The following PCDH7 variants were observed in gnomAD, a reference collection of about 807,000 sequenced individuals.
The protein encoded by PCDH7 is protocadherin 7.
A neutral mutation model predicts 58.9 loss-of-function variants in PCDH7; 17 were observed. The observed-to-expected ratio is 0.29, with a 90% CI of 0.20 to 0.43. The LOEUF (loss-of-function observed/expected upper bound fraction) is 0.43. Ranked by LOEUF, PCDH7 falls within the 20% of genes least tolerant of loss-of-function variation. The pLI is 1.00. For missense variants in PCDH7, 1,274 were observed against 1,441.0 expected, an observed-to-expected ratio of 0.88 and a Z score of 1.88; for synonymous variants, 664 against 616.4, an observed-to-expected ratio of 1.08 and a Z score of -1.14.
intron 3 of PCDH7, among the ~76,000 whole-genome samples, chr4:31,083,783 A>G (rs1387520322): frequency 6.6e-6 from 1 of 152,252 alleles, no homozygotes; most frequent in South Asian, 2.1e-4. Flanking sequence ...CAGATGTGTC[A>G]AAGTGTAACT....
chr4:31,028,268 A>G (rs189136329), intron 3 of PCDH7, among the ~76,000 whole-genome samples: 276 of 152,286 alleles, frequency 1.8e-3, no homozygotes, highest in African/African-American at 6.4e-3. Context: ...TCTTTTATTT[A>G]AAATCCCTGG....
At chr4:31,070,331 G>A (rs1308960041) in intron 3 of PCDH7, among the ~76,000 whole-genome samples, 6 of 151,908 alleles carry the variant, frequency 3.9e-5, no homozygotes, top group African/African-American at 7.2e-5. Flanking sequence ...TTATTTAGAC[G>A]GACATCTGAC....
At chr4:31,114,642 C>T (rs560283121) in intron 3 of PCDH7, among the ~76,000 whole-genome samples, 1 of 150,276 alleles carries the variant, frequency 6.7e-6, no homozygotes, top group Non-Finnish European at 1.5e-5. Flanking sequence ...AACACACACA[C>T]ACACACACAC....
intron 3 of PCDH7, among the ~76,000 whole-genome samples, chr4:31,120,955 T>C (rs573811901): frequency 2.0e-5 from 3 of 152,306 alleles, no homozygotes; most frequent in South Asian, 4.1e-4. Flanking sequence ...ATGATGATGA[T>C]TATGGTAATG....
At chr4:31,023,023 C>G (rs993990477) in intron 3 of PCDH7, among the ~76,000 whole-genome samples, 2 of 152,004 alleles carry the variant, frequency 1.3e-5, no homozygotes, top group Admixed American at 6.6e-5. Flanking sequence ...AAGGGGATTG[C>G]GTTCATAGGT....
chr4:30,743,531 G>T (rs1209040007), intron 1 of PCDH7, among the ~76,000 whole-genome samples: 2 of 151,884 alleles, frequency 1.3e-5, no homozygotes, highest in East Asian at 1.9e-4. Flanking sequence ...AAAGGAAAAA[G>T]ATAGAAATAA....
Position 30,958,043 on chromosome 4 carries a change from G to A in PCDH7, c.*7+7828G>A, listed in dbSNP as rs192523934. Among the ~76,000 whole-genome samples the A allele has an allele frequency of 2.6e-5, 4 of 152,140 alleles. No homozygotes were observed. In the East Asian group the frequency reaches 7.7e-4, roughly 29 times the overall value. ...TATCTGCTAAACTGTGATAGACAGAGGGTATTTATAGAAGAGAGGAAAGAG... is the reference window on the plus strand; with the variant it reads ...TATCTGCTAAACTGTGATAGACAGAAGGTATTTATAGAAGAGAGGAAAGAG... On this transcript the variant is annotated intron_variant, in intron 3 of 3. Coordinates refer to the PCDH7 transcript ENST00000509759.
At chr4:31,028,971 A>C (rs562674301) in intron 3 of PCDH7, among the ~76,000 whole-genome samples, 3 of 152,340 alleles carry the variant, frequency 2.0e-5, no homozygotes, top group South Asian at 2.1e-4. Context: ...TGCCCAGAAC[A>C]GCTGATTCAG....
chr4:30,844,098 A>T (rs950922691), intron 1 of PCDH7, among the ~76,000 whole-genome samples: 1 of 152,132 alleles, frequency 6.6e-6, no homozygotes, highest in South Asian at 2.1e-4. Flanking sequence ...GATTATTTAC[A>T]TAAGTGGCTT....
intron 3 of PCDH7, among the ~76,000 whole-genome samples, chr4:30,956,057 A>T (rs1747831704): frequency 1.3e-5 from 2 of 151,620 alleles, no homozygotes; most frequent in South Asian, 4.2e-4. Context: ...AAAGCAAAAA[A>T]AAAACAATTA....
exon 2 of PCDH7, chr4:30,730,898 G>C (rs761069530): frequency 4.6e-5 from 64 of 1,403,816 alleles, no homozygotes; most frequent in Non-Finnish European, 6.0e-5. Context: ...ATCACTGCTT[G>C]TTCCACTTGT....
intron 3 of PCDH7, among the ~76,000 whole-genome samples, chr4:31,131,184 G>A (rs61794145): frequency 0.03 from 4,610 of 152,156 alleles, 184 homozygotes; most frequent in East Asian, 0.19. Flanking sequence ...TTGCTTCTCC[G>A]TGCATCACAG....
intron 3 of PCDH7, among the ~76,000 whole-genome samples, chr4:31,001,665 C>T (rs896145654): frequency 2.6e-5 from 4 of 152,068 alleles, no homozygotes; most frequent in Admixed American, 6.6e-5. Context: ...GTTAAAAAAG[C>T]ACATCTACTA....
intron 1 of PCDH7, among the ~76,000 whole-genome samples, chr4:30,758,387 G>A (rs1253795389): frequency 6.6e-6 from 1 of 152,162 alleles, no homozygotes; most frequent in Non-Finnish European, 1.5e-5. Context: ...TTTACCCTAA[G>A]TGTCATGAGA....
intron 3 of PCDH7, among the ~76,000 whole-genome samples, chr4:31,017,399 G>A (rs527637201): frequency 6.6e-6 from 1 of 152,200 alleles, no homozygotes; most frequent in African/African-American, 2.4e-5. Flanking sequence ...AGCTGTTTTT[G>A]TTCATATATA....
At chr4:30,975,049 G>T (rs1749943973) in intron 3 of PCDH7, among the ~76,000 whole-genome samples, 1 of 152,014 alleles carries the variant, frequency 6.6e-6, no homozygotes, top group Non-Finnish European at 1.5e-5. Context: ...GGAGCTGCCA[G>T]CAGAGATTTC....
At chr4:30,915,350 T>TA in intron 1 of PCDH7, among the ~76,000 whole-genome samples, 1 of 152,320 alleles carries the variant, frequency 6.6e-6, no homozygotes, top group Non-Finnish European at 1.5e-5. Context: ...AGTTTAGAGA[T>TA]ACTGTAGCCA....
intron 1 of PCDH7, among the ~76,000 whole-genome samples, chr4:30,879,628 C>T (rs1213495229): frequency 1.3e-5 from 2 of 152,124 alleles, no homozygotes; most frequent in Non-Finnish European, 2.9e-5. Context: ...CACAGGGACC[C>T]TGACCACTGA....
chr4:30,874,299 C>G (rs564588601), intron 1 of PCDH7, among the ~76,000 whole-genome samples: 1 of 151,654 alleles, frequency 6.6e-6, no homozygotes, highest in Non-Finnish European at 1.5e-5. Flanking sequence ...CCAACCCAAA[C>G]GTCCAACAAT....
Sources: gnomAD v4.1 joint callset for allele counts (sites outside exome capture counted in the v4.1 genomes callset) on GRCh38, gnomAD v4.1.1 for gene constraint, MANE v1.5 for transcripts, NCBI Gene and HGNC (gene_info 2026-07-23, HGNC 2026-07-21) for gene names.